The following COG5 variants were observed in gnomAD, a reference collection of about 807,000 sequenced individuals.
COG5 encodes the protein component of oligomeric golgi complex 5.
In COG5, 86 loss-of-function variants were observed where a neutral mutation model predicts 110.4. That is an observed-to-expected ratio of 0.78 (90% CI 0.65 to 0.93). The LOEUF is 0.93. Among genes scored for constraint, COG5 ranks in the 40% least tolerant of loss-of-function variants. The probability of loss-of-function intolerance (pLI) is 0.00; values close to 1 mark genes in which losing one functional copy is unlikely to be tolerated. For missense variants in COG5, 1,077 were observed against 987.0 expected (o/e 1.09, Z -1.22); for synonymous variants, 360 against 334.6 (o/e 1.08, Z -0.83).
intron 11 of COG5, among the ~76,000 whole-genome samples, chr7:107,299,076 A>G (rs565382054): frequency 1.3e-5 from 2 of 152,162 alleles, no homozygotes; most frequent in Non-Finnish European, 2.9e-5. Flanking sequence ...ACATTTGAAA[A>G]GAAGAAAAGT....
intron 6 of COG5, among the ~76,000 whole-genome samples, chr7:107,456,126 T>A (rs1279446958): frequency 6.6e-6 from 1 of 152,000 alleles, no homozygotes; most frequent in East Asian, 1.9e-4. Flanking sequence ...ACATCAAGAA[T>A]CAGATCTGCA....
chr7:107,378,928 C>A (rs1814864056), intron 7 of COG5, among the ~76,000 whole-genome samples: 1 of 152,120 alleles, frequency 6.6e-6, no homozygotes, highest in South Asian at 2.1e-4. Context: ...GAGAACACCA[C>A]AAAGATACTC....
intron 8 of COG5, 144 bp from the exon 9 acceptor site, chr7:107,362,564 C>T (rs947748525): frequency 1.5e-6 from 1 of 648,866 alleles, no homozygotes; most frequent in African/African-American, 1.8e-5. Context: ...AGAATCTTAA[C>T]CTTTTATGCT....
chr7:107,535,721 T>A (rs1012401508), intron 5 of COG5, among the ~76,000 whole-genome samples: 1 of 152,102 alleles, frequency 6.6e-6, no homozygotes, highest in Non-Finnish European at 1.5e-5. Context: ...TGAATTCTAC[T>A]AGAGGTGTTG....
chr7:107,288,070 A>G (rs1805794908), intron 12 of COG5, among the ~76,000 whole-genome samples: 1 of 152,164 alleles, frequency 6.6e-6, no homozygotes, highest in Admixed American at 6.5e-5. Flanking sequence ...ACTATGTTTA[A>G]TAGTTTGAAG....
At chr7:107,228,989 G>C (rs1253697312) in intron 19 of COG5, among the ~76,000 whole-genome samples, 1 of 152,090 alleles carries the variant, frequency 6.6e-6, no homozygotes, top group South Asian at 2.1e-4. Flanking sequence ...TTTTTAGAAA[G>C]CTGCATACCT....
chr7:107,387,400 C>T (rs1277751317), intron 7 of COG5, among the ~76,000 whole-genome samples: 4 of 152,206 alleles, frequency 2.6e-5, no homozygotes. Flanking sequence ...AAAGTGGCTG[C>T]CACCCTGGGG....
chr7:107,346,436 G>T (rs62482501), intron 10 of COG5, among the ~76,000 whole-genome samples: 1 of 152,190 alleles, frequency 6.6e-6, no homozygotes, highest in Non-Finnish European at 1.5e-5. Context: ...TCAACTTTGT[G>T]TCCCACTGCC....
chr7:107,427,982 G>T (rs1466490918), intron 6 of COG5, among the ~76,000 whole-genome samples: 1 of 152,046 alleles, frequency 6.6e-6, no homozygotes, highest in African/African-American at 2.4e-5. Context: ...GCTCAGAATG[G>T]GAAGTGCGTG....
chr7:107,444,704 C>T (rs995131283), intron 6 of COG5, among the ~76,000 whole-genome samples: 1 of 152,128 alleles, frequency 6.6e-6, no homozygotes, highest in Admixed American at 6.5e-5. Context: ...AGAGCAAGGA[C>T]TATGCCTCTC....
chr7:107,358,309 C>T (rs191884411), intron 10 of COG5, among the ~76,000 whole-genome samples: 12 of 152,154 alleles, frequency 7.9e-5, no homozygotes, highest in Middle Eastern at 3.4e-3. Flanking sequence ...AAGCCAAAAC[C>T]ACAACAAATG....
At chr7:107,276,908 T>G (rs1804743520) in intron 14 of COG5, among the ~76,000 whole-genome samples, 1 of 152,208 alleles carries the variant, frequency 6.6e-6, no homozygotes, top group East Asian at 1.9e-4. Flanking sequence ...CTAAAAAACC[T>G]TGATCTCAGT....
chr7:107,326,703 T>A (rs1809796255), intron 10 of COG5, among the ~76,000 whole-genome samples: 1 of 152,182 alleles, frequency 6.6e-6, no homozygotes, highest in Non-Finnish European at 1.5e-5. Context: ...CCTAATAATG[T>A]TAAAATGTCC....
rs185658538 is a variant in COG5 at position 107,272,744 on chromosome 7, A to G, written c.1575+8556T>C. ...GACTATCTAAGAGATAGAGAAAGAG[A>G]AAGAGGATTTTTCTTAATTCCCATT... On this transcript the variant is annotated intron_variant, in intron 14 of 21. Coordinates refer to ENST00000297135, the MANE Select transcript of COG5 (RefSeq NM_006348.5). Among the ~76,000 whole-genome samples, 88 of 152,288 alleles carry G rather than the reference A, an allele frequency of 5.8e-4. 1 individual carries two copies. Among genetic ancestry groups the G allele is most frequent in the Non-Finnish European group, 6.6e-4 (45 of 68,024 alleles).
intron 19 of COG5, among the ~76,000 whole-genome samples, chr7:107,225,975 G>A (rs897236712): frequency 1.3e-5 from 2 of 152,038 alleles, no homozygotes; most frequent in Non-Finnish European, 2.9e-5. Flanking sequence ...TCTGGGAAGC[G>A]GAGGTTGCAG....
chr7:107,387,269 A>C (rs1790280222), intron 7 of COG5, among the ~76,000 whole-genome samples: 1 of 152,170 alleles, frequency 6.6e-6, no homozygotes, highest in Admixed American at 6.5e-5. Flanking sequence ...TGGACAGCAG[A>C]GGCAGCAACA....
chr7:107,299,960 A>G (rs1807123058), intron 11 of COG5, among the ~76,000 whole-genome samples: 1 of 150,010 alleles, frequency 6.7e-6, no homozygotes, highest in Non-Finnish European at 1.5e-5. Flanking sequence ...GGCTCAAGCA[A>G]TCTTCCTGTC....
intron 19 of COG5, among the ~76,000 whole-genome samples, chr7:107,226,874 T>C (rs548757078): frequency 6.6e-6 from 1 of 152,326 alleles, no homozygotes; most frequent in South Asian, 2.1e-4. Context: ...TATAGAAATA[T>C]AATGGTATAT....
chr7:107,513,510 A>T (rs1345800206), intron 6 of COG5, among the ~76,000 whole-genome samples: 1 of 152,226 alleles, frequency 6.6e-6, no homozygotes, highest in African/African-American at 2.4e-5. Flanking sequence ...GGGATCTAGA[A>T]CTAGAAATAC....
Sources: gnomAD v4.1 joint callset for allele counts (sites outside exome capture counted in the v4.1 genomes callset) on GRCh38, gnomAD v4.1.1 for gene constraint, MANE v1.5 for transcripts, NCBI Gene and HGNC (gene_info 2026-07-23, HGNC 2026-07-21) for gene names.